Variants in MIA2 observed in about 807,000 individuals in gnomAD.
The protein encoded by MIA2 is melanoma inhibitory activity protein 2.
In MIA2, 127 loss-of-function variants were observed where a neutral mutation model predicts 167.8. That is an observed-to-expected ratio of 0.76 (90% CI 0.66 to 0.88). The LOEUF (loss-of-function observed/expected upper bound fraction) is 0.88, where lower values mean the gene tolerates loss of function less well. Among genes scored for constraint, MIA2 ranks in the 40% least tolerant of loss-of-function variants. The pLI is 0.00. For synonymous variants in MIA2, 552 were observed against 541.9 expected (o/e 1.02, Z -0.26); for missense variants, 1,690 against 1,624.7 (o/e 1.04, Z -0.69).
At chr14:39,364,671 G>T (rs147845343) in intron 23 of MIA2, among the ~76,000 whole-genome samples, 1 of 151,628 alleles carries the variant, frequency 6.6e-6, no homozygotes, top group African/African-American at 2.4e-5. Context: ...CTTTTGTTAC[G>T]AAGGAATACT....
At chr14:39,376,415 A>G (rs572460843) in intron 23 of MIA2, among the ~76,000 whole-genome samples, 431 of 149,590 alleles carry the variant, frequency 2.9e-3, no homozygotes, top group African/African-American at 0.011. Flanking sequence ...TGAAACTAAT[A>G]TTTTAATATA....
chr14:39,309,344 T>G (rs1016702400), intron 18 of MIA2, among the ~76,000 whole-genome samples: 17 of 152,222 alleles, frequency 1.1e-4, no homozygotes, highest in African/African-American at 3.9e-4. Flanking sequence ...TTTTATATCT[T>G]GGCCTACAAG....
chr14:39,288,562 C>A (rs1182974753), intron 9 of MIA2, among the ~76,000 whole-genome samples: 1 of 147,816 alleles, frequency 6.8e-6, no homozygotes, highest in African/African-American at 2.5e-5. Context: ...GCAACCTCCG[C>A]CTCCCGGGTT....
rs568738417 is a variant in MIA2 at position 39,238,468 on chromosome 14, C to T, written c.249+1413C>T. Among the ~76,000 whole-genome samples, 206 of 152,104 alleles carry T rather than the reference C, an allele frequency of 1.4e-3. 2 individuals are homozygous for T. The highest frequency in any genetic ancestry group is 4.7e-3 in the African/African-American group (194 of 41,494). ...GATTACAGGCGTGAGCCACTATGCC[C>T]GGCCCTAGGTGTATAAGTTTTTTAT... On this transcript the variant is annotated intron_variant, in intron 2 of 28. Coordinates refer to ENST00000640607, the MANE Select transcript of MIA2 (RefSeq NM_001329214.4).
At chr14:39,316,057 T>C (rs535589976) in intron 21 of MIA2, among the ~76,000 whole-genome samples, 12 of 152,340 alleles carry the variant, frequency 7.9e-5, no homozygotes, top group African/African-American at 1.9e-4. Flanking sequence ...TCTTTGGGCC[T>C]ATTTCCTCAT....
intron 6 of MIA2, among the ~76,000 whole-genome samples, chr14:39,258,311 C>G (rs1042016635): frequency 6.6e-6 from 1 of 152,124 alleles, no homozygotes; most frequent in African/African-American, 2.4e-5. Context: ...CTAATCTTGT[C>G]TTCACGCCTT....
In MIA2 at chr14:39,252,762, A is replaced by G. The variant is rs2054638222; in HGVS notation, c.1582A>G (p.Ile528Val). Reference protein sequence around the residue: ...SYSLSDMVSNIELPTRIHEEV... With the variant: ...SYSLSDMVSNVELPTRIHEEV... ...TTTATTTGTAGATATGGTCTCTAAC[A>G]TAGAGTTACCTACGAGAATTCACGA... Residue 528 changes from isoleucine (I) to valine (V), a missense_variant, in exon 5 of 29, where the codon ATA becomes GTA. Physicochemically the swap from Ile to Val is conservative, Grantham distance 29. Transcript: ENST00000640607. 6.2e-7 allele frequency: 1 copy of G among 1,610,904 alleles called. No individual in the cohort carries two copies. Among genetic ancestry groups the G allele is most frequent in the East Asian group, 2.2e-5 (1 of 44,838 alleles).
intron 23 of MIA2, among the ~76,000 whole-genome samples, chr14:39,384,311 C>G (rs1478353864): frequency 6.6e-6 from 1 of 152,078 alleles, no homozygotes; most frequent in African/African-American, 2.4e-5. Flanking sequence ...ATGGTTTACT[C>G]AATATTTTAA....
chr14:39,378,884 A>T lies in MIA2; in HGVS notation c.2249-8001A>T, dbSNP rs548611549. Among the ~76,000 whole-genome samples, 69 of 152,384 alleles carry T rather than the reference A, an allele frequency of 4.5e-4. No homozygotes were observed. In the South Asian group the frequency reaches 0.014, roughly 31 times the overall value. On this transcript the variant is annotated intron_variant, in intron 23 of 23. Transcript: ENST00000341502. ...AAAGTTTGTCAAATATAAAGAGTTTAAAATACTTGATATTGCAAAATAGGA... is the reference window on the plus strand; with the variant it reads ...AAAGTTTGTCAAATATAAAGAGTTTTAAATACTTGATATTGCAAAATAGGA...
In MIA2 at chr14:39,288,446, T is replaced by C. The variant is rs2060123808; in HGVS notation, c.2131-2573T>C. Among the ~76,000 whole-genome samples the C allele has an allele frequency of 2.0e-3, 55 of 28,112 alleles. 1 individual carries two copies. Among genetic ancestry groups the C allele is most frequent in the African/African-American group, 0.01 (43 of 4,210 alleles). The allele number at this position is 28,112 out of a possible 152,430, so 18.4% of individuals were successfully genotyped here. On this transcript the variant is annotated intron_variant, in intron 9 of 28. Coordinates refer to ENST00000640607, the MANE Select transcript of MIA2 (RefSeq NM_001329214.4). Reference sequence around the variant, plus strand: ...TATATATTATACATATATATATATATATATATATATATATATATATATATA... The same window carrying C: ...TATATATTATACATATATATATATACATATATATATATATATATATATATA...
At chr14:39,367,911 GCTTT>G (rs1266829628) in intron 23 of MIA2, among the ~76,000 whole-genome samples, 2 of 151,690 alleles carry the variant, frequency 1.3e-5, no homozygotes, top group Admixed American at 6.6e-5. Flanking sequence ...ACTGCATATT[GCTTT>G]CTAAGTATCA....
In MIA2 at chr14:39,277,728, A is replaced by G. The variant is rs1281087826; in HGVS notation, c.2019+663A>G. Among the ~76,000 whole-genome samples the G allele has an allele frequency of 4.0e-4, 2 of 4,958 alleles. 1 individual carries two copies. Among genetic ancestry groups the G allele is most frequent in the African/African-American group, 1.7e-3 (2 of 1,158 alleles). 3.3% of individuals were successfully genotyped at this position (4,958 alleles called of 152,430 possible). ...TATATATATATATGTGTGTATATAT[A>G]TATATATATATATATGTGTGTATAT... is the stretch of plus-strand genomic sequence containing the variant. On this transcript the variant is annotated intron_variant, in intron 7 of 28. Transcript: ENST00000640607.
At chr14:39,252,488 C>G (rs2054624024) in intron 4 of MIA2, among the ~76,000 whole-genome samples, 1 of 152,118 alleles carries the variant, frequency 6.6e-6, no homozygotes, top group Admixed American at 6.6e-5. Context: ...AACTTTAACA[C>G]CTTGGTTTTA....
chr14:39,371,941 G>T (rs2074954989), intron 23 of MIA2, among the ~76,000 whole-genome samples: 1 of 152,022 alleles, frequency 6.6e-6, no homozygotes, highest in South Asian at 2.1e-4. Flanking sequence ...ACTTCAGAAG[G>T]GGGAGAGAGT....
At chr14:39,263,233 T>C (rs1032791504) in intron 6 of MIA2, among the ~76,000 whole-genome samples, 3 of 152,334 alleles carry the variant, frequency 2.0e-5, no homozygotes, top group African/African-American at 7.2e-5. Context: ...GAAGGGCTGT[T>C]GAATTTTGTC....
chr14:39,373,326 A>ATG (rs2074985695), intron 23 of MIA2, among the ~76,000 whole-genome samples: 1 of 148,964 alleles, frequency 6.7e-6, no homozygotes, highest in African/African-American at 2.5e-5. Context: ...AAAAAAAAGC[A>ATG]TGCCACTGAG....
At chr14:39,370,434 G>A (rs548971061) in intron 23 of MIA2, 150 of 243,048 alleles carry the variant, frequency 6.2e-4, no homozygotes, top group Non-Finnish European at 9.7e-4. Context: ...TCTCCATTGA[G>A]GTATGCTTGT....
chr14:39,311,041 T>C (rs1189753372), intron 18 of MIA2, among the ~76,000 whole-genome samples: 1 of 152,110 alleles, frequency 6.6e-6, no homozygotes, highest in Non-Finnish European at 1.5e-5. Context: ...AAAAAGTATA[T>C]GGTTGATTAT....
At chr14:39,263,633 C>CTT (rs35948974) in intron 6 of MIA2, among the ~76,000 whole-genome samples, 8,039 of 130,838 alleles carry the variant, frequency 0.061, 758 homozygotes, top group African/African-American at 0.19. Context: ...CTCTCTCTCT[C>CTT]TTTTTTTTTT....
Sources: gnomAD v4.1 joint callset for allele counts (sites outside exome capture counted in the v4.1 genomes callset) on GRCh38, gnomAD v4.1.1 for gene constraint, MANE v1.5 for transcripts, NCBI Gene and HGNC (gene_info 2026-07-23, HGNC 2026-07-21) for gene names.